The following PDZK1 variants were observed in gnomAD, a reference collection of about 807,000 sequenced individuals.
The protein encoded by PDZK1 is Na(+)/H(+) exchange regulatory cofactor NHE-RF3.
Under a neutral mutation model 38.1 loss-of-function variants are expected in PDZK1, and 23 were observed. The observed-to-expected ratio is 0.60, with a 90% confidence interval of 0.43 to 0.85. The LOEUF is 0.85. Among genes scored for constraint, PDZK1 ranks in the 40% least tolerant of loss-of-function variants. The pLI is 0.00. For synonymous variants in PDZK1, 98 were observed against 186.2 expected (o/e 0.53, Z 3.86); for missense variants, 297 against 504.3 (o/e 0.59, Z 3.94).
chr1:145,688,060 AAG>A (rs782580898), intron 1 of PDZK1, 37 bp from the exon 2 acceptor site: 2 of 1,545,440 alleles, frequency 1.3e-6, no homozygotes, highest in South Asian at 2.2e-5. Flanking sequence ...AACCATGGAA[AAG>A]AGAATCTAAT....
chr1:145,671,450 C>G lies in PDZK1; in HGVS notation c.1546G>C (p.Asp516His), dbSNP rs1553697803. 6.3e-7 allele frequency: 1 copy of G among 1,575,584 alleles called. No individual in the cohort carries two copies. The highest frequency in any genetic ancestry group is 8.7e-7 in the Non-Finnish European group (1 of 1,150,808). Residue 516 changes from aspartate to histidine, a missense_variant, in exon 9 of 9, where the codon GAT becomes CAT. Asp to His is a moderately conservative substitution (Grantham distance 81, BLOSUM62 -1). Around this residue, in one of 5 missense-constraint regions of PDZK1, gnomAD observed 54 missense variants for 72.1 expected, o/e 0.75. Transcript: ENST00000417171. ...TASHSSSNSE[D>H]TEM Reference sequence around the variant, plus strand: ...ACTTGTTTTCATCACATCTCTGTATCTTCAGAATTGGAAGAAGAATGTGAG... The same window carrying G: ...ACTTGTTTTCATCACATCTCTGTATGTTCAGAATTGGAAGAAGAATGTGAG...
chr1:145,700,428 G>A (rs1193835846), intron 1 of PDZK1, among the ~76,000 whole-genome samples: 1 of 152,112 alleles, frequency 6.6e-6, no homozygotes, highest in Non-Finnish European at 1.5e-5. Flanking sequence ...GTGAACATAG[G>A]GACCCAAGGA....
intron 6 of PDZK1, among the ~76,000 whole-genome samples, chr1:145,675,886 C>T (rs1352881552): frequency 6.6e-5 from 10 of 151,896 alleles, no homozygotes; most frequent in Non-Finnish European, 1.3e-4. Context: ...GGTGTGGTAG[C>T]ACACACCTGT....
At chr1:145,701,269 G>A (rs587773310) in intron 1 of PDZK1, among the ~76,000 whole-genome samples, 5 of 151,026 alleles carry the variant, frequency 3.3e-5, no homozygotes, top group Non-Finnish European at 7.4e-5. Context: ...TACTCTGACT[G>A]TGGAAGGGTA....
Sources: gnomAD v4.1 joint callset for allele counts (sites outside exome capture counted in the v4.1 genomes callset) on GRCh38, gnomAD v4.1.1 for gene constraint, gnomAD v4.1.1 regional missense constraint, MANE v1.5 for transcripts, NCBI Gene and HGNC (gene_info 2026-07-23, HGNC 2026-07-21) for gene names.